The following CNBD1 variants were observed in gnomAD, a reference collection of about 807,000 sequenced individuals.
CNBD1 encodes cyclic nucleotide-binding domain-containing protein 1.
A neutral mutation model predicts 54.4 loss-of-function variants in CNBD1; 71 were observed. The observed-to-expected ratio is 1.30, with a 90% CI of 1.08 to 1.59. The LOEUF (loss-of-function observed/expected upper bound fraction) is 1.59, where lower values mean the gene tolerates loss of function less well. Ranked by LOEUF, CNBD1 falls within the 40% of genes most tolerant of loss-of-function variation. The pLI is 0.00. For synonymous variants in CNBD1, 182 were observed against 170.7 expected (o/e 1.07, Z -0.51); for missense variants, 659 against 518.0 (o/e 1.27, Z -2.64).
At chr8:87,078,578 G>T (rs920950642) in intron 4 of CNBD1, among the ~76,000 whole-genome samples, 2 of 152,136 alleles carry the variant, frequency 1.3e-5, no homozygotes, top group African/African-American at 4.8e-5. Flanking sequence ...CCTTATCAAA[G>T]ATACTCATAT....
At chr8:87,285,521 T>G (rs1253798475) in intron 7 of CNBD1, among the ~76,000 whole-genome samples, 1 of 152,108 alleles carries the variant, frequency 6.6e-6, no homozygotes, top group Non-Finnish European at 1.5e-5. Flanking sequence ...GTGTATCACC[T>G]GAGGTGGGGA....
chr8:87,077,283 C>T (rs573191810), intron 4 of CNBD1, among the ~76,000 whole-genome samples: 21 of 152,164 alleles, frequency 1.4e-4, no homozygotes, highest in South Asian at 8.3e-4. Flanking sequence ...AGTCCTAGGT[C>T]GGGCTGTCAG....
At chr8:87,023,010 T>C (rs1809519231) in intron 4 of CNBD1, among the ~76,000 whole-genome samples, 3 of 152,106 alleles carry the variant, frequency 2.0e-5, no homozygotes, top group African/African-American at 7.3e-5. Flanking sequence ...TTTAAGTGGA[T>C]ATTATTATCA....
chr8:87,228,964 C>T (rs569472572), intron 5 of CNBD1, among the ~76,000 whole-genome samples: 17 of 152,300 alleles, frequency 1.1e-4, no homozygotes, highest in South Asian at 4.1e-4. Flanking sequence ...TTAAGCCCGT[C>T]GGAAAAGCGC....
At chr8:87,021,510 G>A (rs956150443) in intron 4 of CNBD1, among the ~76,000 whole-genome samples, 19 of 152,128 alleles carry the variant, frequency 1.2e-4, no homozygotes, top group African/African-American at 4.3e-4. Flanking sequence ...TTAGTATTCT[G>A]TTGGCTACAT....
At chr8:87,378,459 G>A (rs1380025261) in intron 10 of CNBD1, among the ~76,000 whole-genome samples, 2 of 151,086 alleles carry the variant, frequency 1.3e-5, no homozygotes, top group Non-Finnish European at 2.9e-5. Context: ...AGATCAGATA[G>A]TTGTAGATAT....
chr8:87,044,454 G>A (rs954961662), intron 4 of CNBD1: 8 of 152,052 alleles, frequency 5.3e-5, no homozygotes, highest in South Asian at 4.1e-4. Context: ...GCATAGACAC[G>A]GACGCCAGAG....
Position 87,193,853 on chromosome 8 carries a change from C to T in CNBD1, c.432-12140C>T, listed in dbSNP as rs554133079. Among the ~76,000 whole-genome samples, 12 of 151,970 alleles carry T rather than the reference C, an allele frequency of 7.9e-5. No homozygotes were observed. The South Asian group carries it at 2.5e-3, about 32-fold the overall frequency. ...GTTCAGCTCCTTTGCTAAGCTATAC[C>T]CAGTAATTTAGAATAAGAGTTTAAC... On this transcript the variant is annotated intron_variant, in intron 4 of 10. Coordinates refer to ENST00000518476, the MANE Select transcript of CNBD1 (RefSeq NM_173538.3).
intron 6 of CNBD1, among the ~76,000 whole-genome samples, chr8:87,272,919 C>A (rs1808396531): frequency 6.6e-6 from 1 of 151,802 alleles, no homozygotes; most frequent in Non-Finnish European, 1.5e-5. Context: ...ATTTTTAGTT[C>A]TTCATGCTCG....
At chr8:87,241,008 T>A (rs1807688292) in intron 6 of CNBD1, among the ~76,000 whole-genome samples, 1 of 152,120 alleles carries the variant, frequency 6.6e-6, no homozygotes, top group South Asian at 2.1e-4. Flanking sequence ...GTTTCAAGTT[T>A]ACTCCACTAA....
At chr8:87,111,782 AC>A (rs35987715) in intron 4 of CNBD1, among the ~76,000 whole-genome samples, 1 of 151,188 alleles carries the variant, frequency 6.6e-6, no homozygotes, top group South Asian at 2.1e-4. Context: ...GGGTTAGGAC[AC>A]CCCCCTCCCG....
At chr8:87,364,651 C>T (rs2130940512) in intron 10 of CNBD1, among the ~76,000 whole-genome samples, 1 of 151,992 alleles carries the variant, frequency 6.6e-6, no homozygotes, top group Non-Finnish European at 1.5e-5. Flanking sequence ...CCCACCCTCC[C>T]CCTCTCTGAT....
At chr8:86,984,357 A>G (rs1808557174) in intron 4 of CNBD1, among the ~76,000 whole-genome samples, 1 of 152,120 alleles carries the variant, frequency 6.6e-6, no homozygotes, top group South Asian at 2.1e-4. Context: ...GGGCAGAGGA[A>G]GGGAAATGTG....
rs145542323 is a variant in CNBD1 at position 87,097,550 on chromosome 8, C to T, written c.432-108443C>T. On this transcript the variant is annotated intron_variant, in intron 4 of 10. Coordinates refer to ENST00000518476, the MANE Select transcript of CNBD1 (RefSeq NM_173538.3). ...AATAATTATAGCCTTCACAGTGGGGCAGAAAGCAGTTTTCTACTTTGATGT... is the reference window on the plus strand; with the variant it reads ...AATAATTATAGCCTTCACAGTGGGGTAGAAAGCAGTTTTCTACTTTGATGT... 1.3e-4 allele frequency among the ~76,000 whole-genome samples: 20 copies of T among 152,272 alleles called. No individual in the cohort carries two copies. The East Asian group carries it at 3.5e-3, about 26-fold the overall frequency.
At chr8:87,142,957 G>GTT (rs1424942628) in intron 4 of CNBD1, among the ~76,000 whole-genome samples, 1 of 152,028 alleles carries the variant, frequency 6.6e-6, no homozygotes, top group African/African-American at 2.4e-5. Context: ...GAATATAGTT[G>GTT]TGAACAAAAC....
intron 5 of CNBD1, among the ~76,000 whole-genome samples, chr8:87,224,083 G>A: frequency 6.6e-6 from 1 of 151,184 alleles, no homozygotes; most frequent in Non-Finnish European, 1.5e-5. Flanking sequence ...ACTTTTTGAT[G>A]GGGTTGTTTG....
intron 4 of CNBD1, among the ~76,000 whole-genome samples, chr8:87,146,530 C>T (rs978472302): frequency 6.6e-6 from 1 of 152,080 alleles, no homozygotes; most frequent in African/African-American, 2.4e-5. Flanking sequence ...CATCTTTATG[C>T]TGGTAAACAT....
intron 4 of CNBD1, among the ~76,000 whole-genome samples, chr8:87,196,766 A>T (rs562557836): frequency 6.6e-6 from 1 of 152,298 alleles, no homozygotes; most frequent in African/African-American, 2.4e-5. Context: ...GATCACTGGG[A>T]GAGGAAAGAG....
intron 6 of CNBD1, among the ~76,000 whole-genome samples, chr8:87,271,958 G>A (rs972471557): frequency 6.6e-6 from 1 of 151,986 alleles, no homozygotes; most frequent in African/African-American, 2.4e-5. Context: ...CTGCAACAAT[G>A]TGGTTGGAAA....
Sources: allele counts gnomAD v4.1 joint callset (sites outside exome capture counted in the v4.1 genomes callset), GRCh38; gene constraint gnomAD v4.1.1; transcripts MANE v1.5; gene names NCBI Gene and HGNC (gene_info 2026-07-23, HGNC 2026-07-21).